The following SLCO5A1 variants were observed in gnomAD, a reference collection of about 807,000 sequenced individuals.
The protein encoded by SLCO5A1 is solute carrier organic anion transporter family member 5A1.
Under a neutral mutation model 65.1 loss-of-function variants are expected in SLCO5A1, and 39 were observed. The observed-to-expected ratio is 0.60, with a 90% confidence interval of 0.46 to 0.78. SLCO5A1 has a LOEUF of 0.78. Ranked by LOEUF, SLCO5A1 falls within the 30% of genes least tolerant of loss-of-function variation. SLCO5A1 has a pLI of 0.00. For missense variants in SLCO5A1, 1,029 were observed against 1,069.4 expected, an observed-to-expected ratio of 0.96 and a Z score of 0.53; for synonymous variants, 438 against 415.7, an observed-to-expected ratio of 1.05 and a Z score of -0.65.
rs766123633 is a variant in SLCO5A1 at position 69,672,071 on chromosome 8, T to C, written c.*798A>G. The stretch of plus-strand genomic sequence containing the variant: ...CATTTCAAATTACAGTTTCTAGCCA[T>C]ATTGTTTAGCACACTAGTTTTAATG... On this transcript the variant is annotated 3_prime_UTR_variant, in exon 10 of 10. Coordinates refer to ENST00000260126, the MANE Select transcript of SLCO5A1 (RefSeq NM_030958.3). 7 of 152,248 alleles carry C rather than the reference T, an allele frequency of 4.6e-5. No homozygotes were observed. The highest frequency in any genetic ancestry group is 1.0e-4 in the Non-Finnish European group (7 of 68,040). The allele number at this position is 152,248 out of a possible 1,614,324, so 9.4% of individuals were successfully genotyped here.
chr8:69,694,664 G>A (rs535374001), intron 6 of SLCO5A1, among the ~76,000 whole-genome samples: 2 of 152,152 alleles, frequency 1.3e-5, no homozygotes, highest in East Asian at 1.9e-4. Context: ...AAAGTGGCAC[G>A]CCTATACAGC....
chr8:69,723,375 C>T (rs1815917694), intron 5 of SLCO5A1, among the ~76,000 whole-genome samples: 1 of 152,110 alleles, frequency 6.6e-6, no homozygotes. Context: ...CCTCAGCCTC[C>T]TGAGTAGCTG....
intron 2 of SLCO5A1, among the ~76,000 whole-genome samples, chr8:69,767,889 C>CAAAAAAAAAA (rs746004982): frequency 2.9e-5 from 1 of 35,016 alleles, no homozygotes; most frequent in Non-Finnish European, 5.5e-5. Flanking sequence ...GACTCCATCT[C>CAAAAAAAAAA]AAAAAAAAAA....
chr8:69,790,091 G>C (rs573305681), intron 2 of SLCO5A1, among the ~76,000 whole-genome samples: 118 of 151,514 alleles, frequency 7.8e-4, no homozygotes, highest in African/African-American at 2.7e-3. Context: ...TACTCGGGAG[G>C]CTGAGGCAGA....
At chr8:69,731,308 C>A (rs1277359845) in intron 5 of SLCO5A1, among the ~76,000 whole-genome samples, 2 of 152,200 alleles carry the variant, frequency 1.3e-5, no homozygotes, top group East Asian at 3.8e-4. Flanking sequence ...CCAGTAATTG[C>A]AGTTTTTGTC....
chr8:69,808,982 T>C (rs1333110529), intron 2 of SLCO5A1, among the ~76,000 whole-genome samples: 1 of 152,026 alleles, frequency 6.6e-6, no homozygotes, highest in East Asian at 1.9e-4. Context: ...TGGGCGCCCA[T>C]AATCCCAGCT....
intron 2 of SLCO5A1, among the ~76,000 whole-genome samples, chr8:69,777,386 C>T (rs930048190): frequency 2.6e-5 from 4 of 151,720 alleles, no homozygotes; most frequent in Non-Finnish European, 4.4e-5. Flanking sequence ...CAATGTTACC[C>T]GGGGACTGAG....
Position 69,805,074 on chromosome 8 carries a change from A to G in SLCO5A1, c.907+26693T>C, listed in dbSNP as rs116608357. On this transcript the variant is annotated intron_variant, in intron 2 of 9. Transcript: ENST00000260126. ...GTCCTACAGGCAGCAATGATTGAGC[A>G]TAAAAAGCAATGGAGTGCACATCCA... Among the ~76,000 whole-genome samples, 1,131 of 152,050 alleles carry G rather than the reference A, an allele frequency of 7.4e-3. 16 individuals carry two copies. The highest frequency in any genetic ancestry group is 0.026 in the African/African-American group (1,073 of 41,406).
chr8:69,727,808 G>A (rs1052488004), intron 5 of SLCO5A1, among the ~76,000 whole-genome samples: 1 of 152,186 alleles, frequency 6.6e-6, no homozygotes, highest in African/African-American at 2.4e-5. Flanking sequence ...TCTTGGGCAG[G>A]AAAGAGCGTG....
intron 6 of SLCO5A1, among the ~76,000 whole-genome samples, chr8:69,682,577 T>C (rs1052963214): frequency 2.6e-5 from 4 of 152,206 alleles, no homozygotes; most frequent in Non-Finnish European, 5.9e-5. Context: ...ATCAAATTAC[T>C]GCCCCACATC....
At chr8:69,682,544 G>A (rs1386988464) in intron 6 of SLCO5A1, among the ~76,000 whole-genome samples, 1 of 152,076 alleles carries the variant, frequency 6.6e-6, no homozygotes, top group Non-Finnish European at 1.5e-5. Context: ...CAACTTACTG[G>A]TATTACAGAT....
At chr8:69,799,460 T>C (rs1819645306) in intron 2 of SLCO5A1, among the ~76,000 whole-genome samples, 1 of 152,228 alleles carries the variant, frequency 6.6e-6, no homozygotes, top group South Asian at 2.1e-4. Context: ...TACAGTTTTC[T>C]ACACACAGTA....
chr8:69,825,812 A>G (rs1266755643), intron 2 of SLCO5A1, among the ~76,000 whole-genome samples: 11 of 152,086 alleles, frequency 7.2e-5, no homozygotes, highest in Non-Finnish European at 5.9e-5. Flanking sequence ...AAAAGAGCCC[A>G]CATTGCCAAG....
chr8:69,768,144 G>C (rs1446922154), intron 2 of SLCO5A1, among the ~76,000 whole-genome samples: 1 of 152,038 alleles, frequency 6.6e-6, no homozygotes, highest in Non-Finnish European at 1.5e-5. Flanking sequence ...GAAGTGGGAG[G>C]ATCACCTGAG....
intron 2 of SLCO5A1, among the ~76,000 whole-genome samples, chr8:69,791,111 A>G (rs1350925223): frequency 6.6e-6 from 1 of 152,198 alleles, no homozygotes; most frequent in South Asian, 2.1e-4. Flanking sequence ...CCAGGCTGTC[A>G]GAGGGTGCAG....
At chr8:69,771,214 C>T (rs1818307473) in intron 2 of SLCO5A1, among the ~76,000 whole-genome samples, 1 of 152,108 alleles carries the variant, frequency 6.6e-6, no homozygotes, top group African/African-American at 2.4e-5. Flanking sequence ...GAACTTCTGA[C>T]CTCAAGTGAT....
At chr8:69,704,633 T>A (rs987795707) in intron 6 of SLCO5A1, among the ~76,000 whole-genome samples, 8 of 152,172 alleles carry the variant, frequency 5.3e-5, no homozygotes, top group African/African-American at 1.4e-4. Flanking sequence ...AAGAGCTAGG[T>A]GGATGGAGGA....
intron 2 of SLCO5A1, among the ~76,000 whole-genome samples, chr8:69,780,738 T>C (rs1818757949): frequency 6.6e-6 from 1 of 152,130 alleles, no homozygotes; most frequent in Non-Finnish European, 1.5e-5. Context: ...AGGCCTAATT[T>C]CATCACTATG....
intron 6 of SLCO5A1, among the ~76,000 whole-genome samples, chr8:69,701,817 A>G (rs528202416): frequency 3.9e-5 from 6 of 152,206 alleles, no homozygotes; most frequent in Non-Finnish European, 8.8e-5. Flanking sequence ...ATAGTCATTC[A>G]TATTTGGCTC....
Sources: allele counts gnomAD v4.1 joint callset (sites outside exome capture counted in the v4.1 genomes callset), GRCh38; gene constraint gnomAD v4.1.1; transcripts MANE v1.5; gene names NCBI Gene and HGNC (gene_info 2026-07-23, HGNC 2026-07-21).